The following ZMYND11 variants were observed in gnomAD, a reference collection of about 807,000 sequenced individuals.
The protein encoded by ZMYND11 is zinc finger MYND domain-containing protein 11.
A neutral mutation model predicts 84.9 loss-of-function variants in ZMYND11; 9 were observed. That is an observed-to-expected ratio of 0.11 (90% CI 0.06 to 0.18). The LOEUF (loss-of-function observed/expected upper bound fraction) is 0.18. Ranked by LOEUF, ZMYND11 falls within the 10% of genes least tolerant of loss-of-function variation. The pLI is 1.00. For synonymous variants in ZMYND11, 250 were observed against 244.1 expected (o/e 1.02, Z -0.23); for missense variants, 409 against 761.0 (o/e 0.54, Z 5.44).
intron 3 of ZMYND11, among the ~76,000 whole-genome samples, chr10:216,880 T>C (rs1157122553): frequency 2.0e-5 from 3 of 152,252 alleles, no homozygotes; most frequent in East Asian, 1.9e-4. Flanking sequence ...ATTTTAAATA[T>C]AAGTAATATT....
intron 11 of ZMYND11, 54 bp downstream of exon 11, chr10:247,027 A>C: frequency 6.8e-7 from 1 of 1,476,104 alleles, no homozygotes; most frequent in Non-Finnish European, 9.3e-7. Flanking sequence ...TAAATGCAGA[A>C]ATCTTAGTGC....
intron 3 of ZMYND11, among the ~76,000 whole-genome samples, chr10:212,545 A>G (rs1219893337): frequency 6.6e-6 from 1 of 151,604 alleles, no homozygotes; most frequent in Admixed American, 6.6e-5. Context: ...CAGGGGTTTC[A>G]GATCCAATTC....
chr10:193,780 C>G (rs1428078678), intron 2 of ZMYND11, among the ~76,000 whole-genome samples: 1 of 152,194 alleles, frequency 6.6e-6, no homozygotes, highest in Non-Finnish European at 1.5e-5. Flanking sequence ...CCTACGGTCA[C>G]TGTGATTAGC....
chr10:202,622 C>A (rs1036697129), intron 2 of ZMYND11, among the ~76,000 whole-genome samples: 1 of 152,108 alleles, frequency 6.6e-6, no homozygotes, highest in Non-Finnish European at 1.5e-5. Context: ...TGTTGTCATT[C>A]GTGTGTGCTA....
At chr10:146,927 A>G (rs1205113910) in intron 1 of ZMYND11, among the ~76,000 whole-genome samples, 3 of 152,258 alleles carry the variant, frequency 2.0e-5, no homozygotes, top group African/African-American at 7.2e-5. Context: ...GGCTTCTGCC[A>G]TGATTGTGAG....
chr10:186,467 C>A (rs77764380), intron 2 of ZMYND11, among the ~76,000 whole-genome samples: 1 of 151,470 alleles, frequency 6.6e-6, no homozygotes, highest in East Asian at 2.0e-4. Context: ...ATAGTGAAAC[C>A]CTGTCCCTAC....
At chr10:194,060 C>G (rs1260480262) in intron 2 of ZMYND11, among the ~76,000 whole-genome samples, 2 of 152,182 alleles carry the variant, frequency 1.3e-5, no homozygotes, top group Non-Finnish European at 2.9e-5. Context: ...TCTCAGCTCA[C>G]TACAGCCTCA....
At chr10:206,085 C>T (rs564285496) in intron 2 of ZMYND11, among the ~76,000 whole-genome samples, 49 of 151,166 alleles carry the variant, frequency 3.2e-4, no homozygotes, top group African/African-American at 1.1e-3. Context: ...TCAGGCCGGG[C>T]GCGGTGGCTC....
chr10:250,510 G>A (rs979763995), intron 14 of ZMYND11, among the ~76,000 whole-genome samples: 6 of 151,484 alleles, frequency 4.0e-5, no homozygotes, highest in South Asian at 4.2e-4. Flanking sequence ...AAATTCTTAT[G>A]AGTAGAAATC....
At chr10:193,301 C>A (rs914562029) in intron 2 of ZMYND11, among the ~76,000 whole-genome samples, 5 of 152,142 alleles carry the variant, frequency 3.3e-5, no homozygotes, top group African/African-American at 1.2e-4. Flanking sequence ...ACTTGAAAAT[C>A]AAAAACTCTT....
At chr10:201,918 T>C (rs924425749) in intron 2 of ZMYND11, among the ~76,000 whole-genome samples, 1 of 152,224 alleles carries the variant, frequency 6.6e-6, no homozygotes, top group Non-Finnish European at 1.5e-5. Flanking sequence ...AGGCCACTTA[T>C]CAGTGTATCT....
At chr10:181,915 C>CA (rs1326903603) in intron 2 of ZMYND11, among the ~76,000 whole-genome samples, 1 of 151,996 alleles carries the variant, frequency 6.6e-6, no homozygotes, top group Non-Finnish European at 1.5e-5. Flanking sequence ...TAAAAAAACT[C>CA]AGAGTACAAA....
At chr10:249,146 C>T in intron 14 of ZMYND11, 58 bp downstream of exon 14, 1 of 1,606,070 alleles carries the variant, frequency 6.2e-7, no homozygotes, top group South Asian at 1.1e-5. Flanking sequence ...GGTATGATGC[C>T]CGTTAATTCA....
intron 1 of ZMYND11, among the ~76,000 whole-genome samples, chr10:165,749 ATTAT>A (rs1324191306): frequency 6.6e-6 from 1 of 152,124 alleles, no homozygotes; most frequent in Non-Finnish European, 1.5e-5. Flanking sequence ...TAAAAAACCC[ATTAT>A]TTTCCAAAGC....
chr10:169,199 G>T (rs909462694), intron 1 of ZMYND11, among the ~76,000 whole-genome samples: 2 of 152,030 alleles, frequency 1.3e-5, no homozygotes, highest in African/African-American at 4.8e-5. Context: ...ACCCCCTCCA[G>T]TCATCCTGTC....
intron 1 of ZMYND11, among the ~76,000 whole-genome samples, chr10:174,150 A>G (rs1197997824): frequency 2.6e-5 from 4 of 152,238 alleles, no homozygotes; most frequent in African/African-American, 4.8e-5. Flanking sequence ...CTTAGAAGCA[A>G]CCTTTCCTCG....
chr10:219,517 A>G (rs1386492227), intron 3 of ZMYND11, among the ~76,000 whole-genome samples: 1 of 152,202 alleles, frequency 6.6e-6, no homozygotes, highest in Non-Finnish European at 1.5e-5. Flanking sequence ...TCTTATTTCC[A>G]CCAAAACCTA....
chr10:248,890 C>CT lies in ZMYND11; in HGVS notation c.1501-9dup, dbSNP rs752803875. The CT allele has an allele frequency of 6.3e-7, 1 of 1,598,014 alleles. No individual in the cohort carries two copies. Among genetic ancestry groups the CT allele is most frequent in the Non-Finnish European group, 8.5e-7 (1 of 1,171,754 alleles). On this transcript the variant is annotated splice_polypyrimidine_tract_variant and intron_variant, in intron 13 of 14. Transcript: ENST00000381604. ...TGTGTGCTGACGCACTGTGGGTTGTCTTTTCATTCCAGCTGCGTTCTGAAA... is the reference window on the plus strand; with the variant it reads ...TGTGTGCTGACGCACTGTGGGTTGTCTTTTTCATTCCAGCTGCGTTCTGAAA...
At chr10:188,940 C>G (rs1251556315) in intron 2 of ZMYND11, among the ~76,000 whole-genome samples, 1 of 152,134 alleles carries the variant, frequency 6.6e-6, no homozygotes, top group Non-Finnish European at 1.5e-5. Flanking sequence ...AGTATTGGAC[C>G]TATATGTTTC....
Sources: allele counts gnomAD v4.1 joint callset (sites outside exome capture counted in the v4.1 genomes callset), GRCh38; gene constraint gnomAD v4.1.1; transcripts MANE v1.5; gene names NCBI Gene and HGNC (gene_info 2026-07-23, HGNC 2026-07-21).